The following SASH1 variants were observed in gnomAD, a reference collection of about 807,000 sequenced individuals.
The protein encoded by SASH1 is SAM and SH3 domain-containing protein 1.
SASH1 carries 44 observed loss-of-function variants against 125.2 expected under a neutral mutation model. The observed-to-expected ratio is 0.35, with a 90% CI of 0.28 to 0.45. The LOEUF (loss-of-function observed/expected upper bound fraction) is 0.45, where lower values mean the gene tolerates loss of function less well. SASH1 is among the 20% of genes least tolerant of loss of function. The pLI is 1.00. For missense variants in SASH1, 1,426 were observed against 1,614.5 expected, an observed-to-expected ratio of 0.88 and a Z score of 2.00; for synonymous variants, 639 against 649.1, an observed-to-expected ratio of 0.98 and a Z score of 0.24.
At chr6:148,467,653 C>T (rs1181869295) in intron 4 of SASH1, among the ~76,000 whole-genome samples, 1 of 152,132 alleles carries the variant, frequency 6.6e-6, no homozygotes, top group Non-Finnish European at 1.5e-5. Context: ...ATACAGATTT[C>T]TGGCTGGGCA....
At chr6:148,286,993 C>A (rs1275042597) in intron 1 of SASH1, among the ~76,000 whole-genome samples, 1 of 152,152 alleles carries the variant, frequency 6.6e-6, no homozygotes, top group Non-Finnish European at 1.5e-5. Flanking sequence ...CCATGCGCTT[C>A]CTCAGACCAC....
At chr6:148,334,418 A>G in intron 1 of SASH1, among the ~76,000 whole-genome samples, 1 of 92,856 alleles carries the variant, frequency 1.1e-5, no homozygotes. Flanking sequence ...ACAGAGCGAG[A>G]CTCCGTCTCA....
At chr6:148,417,423 A>G (rs1001050559) in intron 2 of SASH1, among the ~76,000 whole-genome samples, 1 of 152,080 alleles carries the variant, frequency 6.6e-6, no homozygotes, top group African/African-American at 2.4e-5. Flanking sequence ...CGTGGCTACT[A>G]AAAATACAAA....
Position 148,388,055 on chromosome 6 carries a change from A to G in SASH1, c.157-2079A>G, listed in dbSNP as rs567498582. Among the ~76,000 whole-genome samples the G allele has an allele frequency of 2.3e-3, 343 of 151,870 alleles. 2 individuals carry two copies. Among genetic ancestry groups the G allele is most frequent in the Middle Eastern group, 3.4e-3 (1 of 294 alleles). On this transcript the variant is annotated intron_variant, in intron 1 of 19. Transcript: ENST00000367467. ...CTCAGCCTCCTGAGTAGCTGGGATT[A>G]CAGGCATGCACCACCATGCCCAGCT...
At chr6:148,474,251 T>G in intron 7 of SASH1, 29 bp downstream of exon 7, 1 of 1,378,128 alleles carries the variant, frequency 7.3e-7, no homozygotes, top group Non-Finnish European at 1.0e-6. Context: ...GGTTTATATT[T>G]GTGAGGACTT....
chr6:148,535,041 C>G, intron 16 of SASH1, 140 bp downstream of exon 16: 1 of 1,038,900 alleles, frequency 9.6e-7, no homozygotes, highest in Non-Finnish European at 1.4e-6. Flanking sequence ...ACAGTAAGTC[C>G]CTGTACGCAC....
At chr6:148,423,067 T>G (rs1775642200) in intron 2 of SASH1, among the ~76,000 whole-genome samples, 1 of 152,050 alleles carries the variant, frequency 6.6e-6, no homozygotes, top group Non-Finnish European at 1.5e-5. Context: ...GCCTCCCGAG[T>G]AGCTGGGACT....
chr6:148,241,907 A>C, the SASH1 span, among the ~76,000 whole-genome samples: 1 of 152,204 alleles, frequency 6.6e-6, no homozygotes, highest in Non-Finnish European at 1.5e-5. Flanking sequence ...GCAAGCGTTC[A>C]CTAAATGTTA....
intron 1 of SASH1, among the ~76,000 whole-genome samples, chr6:148,347,567 G>A (rs1781563191): frequency 6.6e-6 from 1 of 152,140 alleles, no homozygotes; most frequent in Admixed American, 6.6e-5. Context: ...TGTGGGGCGG[G>A]GAGATGTTAG....
At chr6:148,308,333 G>A (rs995699750) in intron 1 of SASH1, among the ~76,000 whole-genome samples, 1 of 150,476 alleles carries the variant, frequency 6.6e-6, no homozygotes, top group Admixed American at 6.6e-5. Flanking sequence ...AACTTGCTCT[G>A]TAATGGGTCC....
chr6:148,382,490 A>T (rs1783180505), intron 1 of SASH1, among the ~76,000 whole-genome samples: 1 of 152,104 alleles, frequency 6.6e-6, no homozygotes. Context: ...GAGTTTCTCC[A>T]TGTTGGTCAG....
the SASH1 span, among the ~76,000 whole-genome samples, chr6:148,212,874 G>A: frequency 6.6e-6 from 1 of 152,164 alleles, no homozygotes; most frequent in Admixed American, 6.5e-5. Context: ...AACAGAGTGA[G>A]GCTTGAACCC....
intron 2 of SASH1, among the ~76,000 whole-genome samples, chr6:148,402,419 C>T (rs953063253): frequency 6.6e-6 from 1 of 151,992 alleles, no homozygotes; most frequent in Admixed American, 6.6e-5. Flanking sequence ...AAGTGATTCT[C>T]CTGCCTCAGC....
the SASH1 span, among the ~76,000 whole-genome samples, chr6:148,200,437 G>A: frequency 1.3e-5 from 2 of 152,164 alleles, no homozygotes; most frequent in Non-Finnish European, 2.9e-5. Context: ...GGAGGGGGCC[G>A]CGATCATCTG....
chr6:148,478,100 C>G (rs1033146242), intron 7 of SASH1, among the ~76,000 whole-genome samples: 33 of 152,084 alleles, frequency 2.2e-4, no homozygotes, highest in African/African-American at 7.7e-4. Flanking sequence ...ATTATTACAG[C>G]CACTATGGAG....
At chr6:148,377,893 A>C (rs578089639) in intron 1 of SASH1, among the ~76,000 whole-genome samples, 1 of 152,170 alleles carries the variant, frequency 6.6e-6, no homozygotes, top group African/African-American at 2.4e-5. Flanking sequence ...ATCCTATTAC[A>C]GCCTGTGGGG....
At chr6:148,461,753 A>G (rs927258162) in intron 4 of SASH1, among the ~76,000 whole-genome samples, 4 of 152,206 alleles carry the variant, frequency 2.6e-5, no homozygotes, top group South Asian at 2.1e-4. Context: ...ATTTTGTTTC[A>G]TATCTATTTC....
At chr6:148,274,011 G>C (rs1435470128) in intron 1 of SASH1, among the ~76,000 whole-genome samples, 1 of 152,228 alleles carries the variant, frequency 6.6e-6, no homozygotes, top group Non-Finnish European at 1.5e-5. Context: ...ATCTTGGTAG[G>C]ATTGCAACCA....
At chr6:148,467,200 A>C (rs1046324383) in intron 4 of SASH1, among the ~76,000 whole-genome samples, 4 of 147,014 alleles carry the variant, frequency 2.7e-5, no homozygotes, top group Non-Finnish European at 6.0e-5. Flanking sequence ...AGATTCAAGC[A>C]ATTCTCCTGC....
Sources: allele counts gnomAD v4.1 joint callset (sites outside exome capture counted in the v4.1 genomes callset), GRCh38; gene constraint gnomAD v4.1.1; transcripts MANE v1.5; gene names NCBI Gene and HGNC (gene_info 2026-07-23, HGNC 2026-07-21).